The following POP1 variants were observed in gnomAD, a reference collection of about 807,000 sequenced individuals.
POP1 encodes the protein ribonucleases P/MRP protein subunit POP1.
A neutral mutation model predicts 102.2 loss-of-function variants in POP1; 75 were observed. The ratio of observed to expected loss-of-function variants is 0.73; its 90% CI spans 0.61 to 0.89. POP1 has a LOEUF of 0.89. Among genes scored for constraint, POP1 ranks in the 40% least tolerant of loss-of-function variants. The pLI is 0.00. For missense variants in POP1, 1,116 were observed against 1,267.4 expected (o/e 0.88, Z 1.81); for synonymous variants, 436 against 464.1 (o/e 0.94, Z 0.78).
At chr8:98,134,114 C>A in intron 6 of POP1, 78 bp downstream of exon 6, 2 of 1,105,394 alleles carry the variant, frequency 1.8e-6, no homozygotes, top group Non-Finnish European at 2.8e-6. Flanking sequence ...CTACTGTAAG[C>A]ATTTTGGAAT....
chr8:98,143,968 A>T (rs568107269), intron 11 of POP1, among the ~76,000 whole-genome samples: 2 of 151,888 alleles, frequency 1.3e-5, no homozygotes, highest in South Asian at 4.2e-4. Flanking sequence ...AGCTTGGCTA[A>T]CAGGGTGAAA....
Position 98,134,037 on chromosome 8 carries a change from G to C in POP1, c.823+1G>C, listed in dbSNP as rs750404495. ...TCTGGAATGTGTAACATAGACACAG[G>C]TAAACTTGTTTTAAAGCTGAGTTCT... On this transcript the variant is annotated splice_donor_variant, in intron 6 of 15. Transcript: ENST00000401707. LOFTEE classifies it high-confidence loss of function. The C allele has an allele frequency of 4.4e-6, 7 of 1,600,146 alleles. No homozygotes were observed. Among genetic ancestry groups the C allele is most frequent in the Non-Finnish European group, 6.0e-6 (7 of 1,167,280 alleles).
Position 98,136,547 on chromosome 8 carries a change from C to T in POP1, c.1077C>T (p.Ile359=), listed in dbSNP as rs1390969447. The change falls in exon 8 of 16, where the codon ATC becomes ATT. Residue 359 remains isoleucine, a synonymous_variant. Coordinates refer to ENST00000401707, the MANE Select transcript of POP1 (RefSeq NM_001145860.2). ...AACCCATCAAATCAGCTGTCTGCAT[C>T]GCTGACCCACTTCCAACACCATCCC... ...CVEPIKSAVC[I]ADPLPTPSQE... is the part of the protein sequence containing the mutation. 3.1e-6 allele frequency: 5 copies of T among 1,613,746 alleles called. No individual in the cohort carries two copies. The highest frequency in any genetic ancestry group is 1.7e-5 in the Admixed American group (1 of 59,988).
intron 5 of POP1, 71 bp from the exon 6 acceptor site, chr8:98,133,878 G>A: frequency 8.8e-7 from 1 of 1,134,458 alleles, no homozygotes; most frequent in Non-Finnish European, 1.3e-6. Context: ...TTGTGATACG[G>A]CTTTTGGCTT....
intron 11 of POP1, among the ~76,000 whole-genome samples, chr8:98,145,554 C>T (rs1030744923): frequency 1.3e-5 from 2 of 152,210 alleles, no homozygotes; most frequent in East Asian, 3.9e-4. Flanking sequence ...TACTTTCTAG[C>T]ACGGTACAGC....
At chr8:98,127,884 C>G (rs1052678261) in intron 3 of POP1, 122 bp downstream of exon 3, 3 of 1,042,186 alleles carry the variant, frequency 2.9e-6, no homozygotes, top group African/African-American at 3.1e-5. Flanking sequence ...CCTCCTCCTA[C>G]TTTAGACCCT....
intron 14 of POP1, 94 bp from the exon 15 acceptor site, chr8:98,155,956 T>TG (rs1809637198): frequency 2.1e-5 from 23 of 1,111,374 alleles, no homozygotes; most frequent in South Asian, 7.6e-5. Flanking sequence ...TGTGTGTGTG[T>TG]TTTAAAATAG....
rs755145053 is a variant in POP1 at position 98,158,231 on chromosome 8, C to G, written c.3035C>G (p.Ser1012Cys). The change falls in exon 16 of 16, where the codon TCT becomes TGT. Residue 1012 changes from serine to cysteine, a missense_variant. Ser to Cys is a moderately radical substitution (Grantham distance 112). Transcript: ENST00000401707. Reference protein sequence around the residue: ...RGLVLLRPPASLQYRFARIAI... With the variant: ...RGLVLLRPPACLQYRFARIAI... The stretch of plus-strand genomic sequence containing the variant: ...TTAGTGCTACTGAGGCCTCCCGCCT[C>G]TCTGCAGTATCGATTTGCGAGGATT... 6 of 1,612,014 alleles carry G rather than the reference C, an allele frequency of 3.7e-6. No homozygotes were observed. The East Asian group carries it at 1.3e-4, about 36-fold the overall frequency.
chr8:98,146,621 C>T lies in POP1; in HGVS notation c.1648C>T (p.His550Tyr). 1.2e-6 allele frequency: 2 copies of T among 1,614,034 alleles called. No homozygotes were observed. The highest frequency in any genetic ancestry group is 1.7e-6 in the Non-Finnish European group (2 of 1,179,958). ...GGAGGGTGTGCCTGTGGAATGTACG[C>T]ATAGCTTTATCTGGAACCAAGATAT... ...LLEGVPVECT[H>Y]SFIWNQDICK... The change falls in exon 12 of 16, where the codon CAT becomes TAT. Residue 550 changes from histidine (H) to tyrosine (Y), a missense_variant. Physicochemically the swap from His to Tyr is moderately conservative, Grantham distance 83 (BLOSUM62 2). Transcript: ENST00000401707.
chr8:98,148,893 A>C lies in POP1; in HGVS notation c.1789A>C (p.Ile597Leu), dbSNP rs1247260509. ...AGGTCCCCATGAATCCAAGATACCT[A>C]TACTTTTGATTCAGCAGCCAGGAAA... The part of the protein sequence containing the change: ...ILGPHESKIP[I>L]LLIQQPGKVT... Residue 597 changes from isoleucine to leucine, a missense_variant, in exon 13 of 16, where the codon ATA becomes CTA. Ile to Leu is a conservative substitution (Grantham distance 5). Coordinates refer to ENST00000401707, the MANE Select transcript of POP1 (RefSeq NM_001145860.2). The C allele has an allele frequency of 6.2e-7, 1 of 1,613,916 alleles. No homozygotes were observed. The highest frequency in any genetic ancestry group is 1.7e-5 in the Admixed American group (1 of 59,996).
At position 98,136,737 on chromosome 8, in the gene POP1, A is replaced by C; in HGVS notation, c.1267A>C (p.Ser423Arg). The change falls in exon 8 of 16, where the codon AGC (serine) becomes CGC (arginine). Residue 423 changes from serine (S) to arginine (R), a missense_variant and splice_region_variant. Ser to Arg is a moderately radical substitution (Grantham distance 110). Transcript: ENST00000401707. ...WISPTTGIII[S>R]DLTMEMNRFR... Reference sequence around the variant, plus strand: ...CTCTCCAACCACAGGCATTATAATCAGGTATGAGTTGAATTTGCTTTGAAC... The same window carrying C: ...CTCTCCAACCACAGGCATTATAATCCGGTATGAGTTGAATTTGCTTTGAAC... 1 of 1,614,034 alleles carries C rather than the reference A, an allele frequency of 6.2e-7. No homozygotes were observed. Among genetic ancestry groups the C allele is most frequent in the Non-Finnish European group, 8.5e-7 (1 of 1,179,864 alleles).
At chr8:98,145,829 C>T (rs1262207150) in intron 11 of POP1, among the ~76,000 whole-genome samples, 3 of 152,022 alleles carry the variant, frequency 2.0e-5, no homozygotes, top group Non-Finnish European at 4.4e-5. Context: ...TTACATGAAC[C>T]TGGGAGGCGA....
At position 98,159,287 on chromosome 8, in the gene POP1, T is replaced by C. The variant is rs940137446; in HGVS notation, c.*1016T>C. 2 of 152,234 alleles carry C rather than the reference T, an allele frequency of 1.3e-5. No individual in the cohort carries two copies. Among genetic ancestry groups the C allele is most frequent in the Non-Finnish European group, 2.9e-5 (2 of 68,046 alleles). 9.4% of individuals were successfully genotyped at this position (152,234 alleles called of 1,614,324 possible). On this transcript the variant is annotated 3_prime_UTR_variant, in exon 16 of 16. Transcript: ENST00000401707. The stretch of plus-strand genomic sequence containing the variant: ...CGCTTTGGGCAGTGTGGCTGTGTAG[T>C]GCATAGCTACCTCTGCAAGGTGATA...
chr8:98,123,204 G>T, intron 1 of POP1, 132 bp from the exon 2 acceptor site: 1 of 1,027,132 alleles, frequency 9.7e-7, no homozygotes, highest in Admixed American at 2.4e-5. Context: ...AGTGCAAACT[G>T]CAATATACTA....
chr8:98,155,912 TG>T, intron 14 of POP1, 137 bp from the exon 15 acceptor site: 1 of 255,078 alleles, frequency 3.9e-6, no homozygotes, highest in Non-Finnish European at 6.3e-6. Context: ...AAAGCTTTTG[TG>T]TGTGTGTGTG....
intron 2 of POP1, among the ~76,000 whole-genome samples, chr8:98,126,264 G>GTA (rs1563771243): frequency 3.3e-5 from 5 of 152,100 alleles, no homozygotes; most frequent in Non-Finnish European, 7.4e-5. Context: ...AGGGAGTGTC[G>GTA]TTTGGGCTGC....
intron 14 of POP1, among the ~76,000 whole-genome samples, chr8:98,153,491 T>C (rs1358460585): frequency 1.3e-5 from 2 of 151,070 alleles, no homozygotes; most frequent in African/African-American, 4.9e-5. Flanking sequence ...TGCTTTTATT[T>C]CTTTGGCTAT....
chr8:98,117,493 C>T, intron 1 of POP1, 103 bp downstream of exon 1: 1 of 243,636 alleles, frequency 4.1e-6, no homozygotes, highest in Non-Finnish European at 8.2e-6. Flanking sequence ...TCGTTTCTCT[C>T]TCAGACTCCG....
intron 12 of POP1, among the ~76,000 whole-genome samples, chr8:98,148,003 A>G (rs545332758): frequency 4.1e-4 from 63 of 152,330 alleles, no homozygotes; most frequent in African/African-American, 1.5e-3. Flanking sequence ...GGAAGAGAGC[A>G]AATACAGTGG....
Sources: allele counts gnomAD v4.1 joint callset (sites outside exome capture counted in the v4.1 genomes callset), GRCh38; gene constraint gnomAD v4.1.1; transcripts MANE v1.5; gene names NCBI Gene and HGNC (gene_info 2026-07-23, HGNC 2026-07-21).